The following CASK variants were observed in gnomAD, a reference collection of about 807,000 sequenced individuals.
CASK encodes calcium/calmodulin dependent serine protein kinase.
CASK carries 4 observed loss-of-function variants against 82.9 expected under a neutral mutation model. The ratio of observed to expected loss-of-function variants is 0.05; its 90% CI spans 0.02 to 0.11. The LOEUF is 0.11. Among genes scored for constraint, CASK ranks in the 10% least tolerant of loss-of-function variants. The pLI, the probability that CASK is intolerant of heterozygous loss-of-function variation, is 1.00. For missense variants in CASK, 358 were observed against 720.9 expected, an observed-to-expected ratio of 0.50 and a Z score of 5.76; for synonymous variants, 259 against 253.5, an observed-to-expected ratio of 1.02 and a Z score of -0.20.
At chrX:41,769,338 G>C (rs1415666206) in intron 3 of CASK, among the ~76,000 whole-genome samples, 1 of 108,268 alleles carries the variant, frequency 9.2e-6, no homozygotes, top group Non-Finnish European at 1.9e-5. Flanking sequence ...TGGGACTATA[G>C]GTGCATACCC....
intron 5 of CASK, among the ~76,000 whole-genome samples, chrX:41,699,127 G>A (rs912019509): frequency 9.1e-6 from 1 of 110,340 alleles, no homozygotes; most frequent in Non-Finnish European, 1.9e-5. Context: ...ATTTCACCAT[G>A]TTGGCCAGGC....
intron 1 of CASK, among the ~76,000 whole-genome samples, chrX:41,921,483 T>C (rs1380931228): frequency 8.9e-6 from 1 of 112,416 alleles, no homozygotes; most frequent in Non-Finnish European, 1.9e-5. Flanking sequence ...TTATTAAATG[T>C]GGCTACTAGA....
At position 41,690,434 on chromosome X, in the gene CASK, T is replaced by C. The variant is rs774298072; in HGVS notation, c.430-18904A>G. Among the ~76,000 whole-genome samples, 252 of 109,391 alleles carry C rather than the reference T, an allele frequency of 2.3e-3. 2 individuals carry two copies. Among genetic ancestry groups the C allele is most frequent in the African/African-American group, 8.0e-3 (240 of 30,007 alleles). 95.0% of individuals were successfully genotyped at this position (109,391 alleles called of 115,157 possible). ...TGAACACAGCTCACTGCAGCCTCTG[T>C]CTCCCGGGTTCAAGCAATTCTCCAG... On this transcript the variant is annotated intron_variant, in intron 5 of 26. Coordinates refer to ENST00000378163, the MANE Select transcript of CASK (RefSeq NM_001367721.1).
chrX:41,837,599 G>C (rs1283253383), intron 2 of CASK, among the ~76,000 whole-genome samples: 1 of 111,963 alleles, frequency 8.9e-6, no homozygotes, highest in Non-Finnish European at 1.9e-5. Context: ...TACAGTACAC[G>C]ACAATTAAGA....
intron 1 of CASK, among the ~76,000 whole-genome samples, chrX:41,906,823 T>A (rs771054796): frequency 1.8e-5 from 2 of 113,161 alleles, no homozygotes; most frequent in African/African-American, 6.4e-5. Flanking sequence ...ACACTGCTCT[T>A]TTTTTAAAGA....
At position 41,520,249 on chromosome X, in the gene CASK, T is replaced by C. The variant is rs2147058880; in HGVS notation, c.*171A>G. 1 of 409,670 alleles carries C rather than the reference T, an allele frequency of 2.4e-6. No homozygotes were observed. The highest frequency in any genetic ancestry group is 4.8e-5 in the South Asian group (1 of 20,752). 33.8% of individuals were successfully genotyped at this position (409,670 alleles called of 1,213,427 possible). ...GATACTGTCTCTTTAAATTAGTGTG[T>C]AATTGTTTTTCTCCTCCTATCTATT... is the stretch of plus-strand genomic sequence containing the variant. On this transcript the variant is annotated 3_prime_UTR_variant, in exon 27 of 27. Coordinates refer to ENST00000378163, the MANE Select transcript of CASK (RefSeq NM_001367721.1).
intron 2 of CASK, among the ~76,000 whole-genome samples, chrX:41,818,005 G>C (rs781261522): frequency 1.8e-5 from 2 of 110,600 alleles, no homozygotes; most frequent in African/African-American, 6.6e-5. Context: ...TGCTAGTACT[G>C]TGTTAACTGA....
intron 14 of CASK, chrX:41,584,276 G>C (rs958542258): frequency 4.4e-5 from 5 of 112,897 alleles, no homozygotes; most frequent in African/African-American, 1.6e-4. Context: ...AGATATATCA[G>C]CTACTTAATT....
chrX:41,827,013 CA>C (rs943037976), intron 2 of CASK, among the ~76,000 whole-genome samples: 15 of 111,088 alleles, frequency 1.4e-4, no homozygotes, highest in Non-Finnish European at 5.7e-5. Context: ...TTTATTAAGG[CA>C]AAAAATGTTT....
In CASK at chrX:41,796,865, C is replaced by A. The variant is rs186459268; in HGVS notation, c.173-9582G>T. ...TCAACAATTCTTGACTGGATCACAG[C>A]AAAGATCTTTAAATGGGTTTCTTTG... On this transcript the variant is annotated intron_variant, in intron 2 of 26. Transcript: ENST00000378163. Among the ~76,000 whole-genome samples the A allele has an allele frequency of 3.5e-4, 39 of 111,948 alleles. No individual in the cohort carries two copies. In the East Asian group the frequency reaches 0.01, roughly 29 times the overall value.
intron 1 of CASK, among the ~76,000 whole-genome samples, chrX:41,873,910 C>T (rs904262436): frequency 1.9e-5 from 2 of 107,907 alleles, no homozygotes; most frequent in Admixed American, 2.0e-4. Context: ...CCTGCCTCAG[C>T]CTCCTGAGTG....
chrX:41,705,282 C>A (rs2067866535), intron 5 of CASK, among the ~76,000 whole-genome samples: 1 of 112,471 alleles, frequency 8.9e-6, no homozygotes, highest in Non-Finnish European at 1.9e-5. Context: ...TTGGGCCAGG[C>A]ACAGTGGCTC....
At chrX:41,532,193 C>T (rs1439551170) in intron 24 of CASK, among the ~76,000 whole-genome samples, 1 of 112,289 alleles carries the variant, frequency 8.9e-6, no homozygotes, top group Non-Finnish European at 1.9e-5. Flanking sequence ...GCCTCAGTCT[C>T]CCAAAGTGCT....
intron 3 of CASK, among the ~76,000 whole-genome samples, chrX:41,754,887 T>G (rs754433248): frequency 9.5e-6 from 1 of 105,105 alleles, no homozygotes; most frequent in Non-Finnish European, 2.0e-5. Context: ...AGTTTTTTTT[T>G]TTTTTTTTTT....
At chrX:41,808,769 G>A (rs1454626213) in intron 2 of CASK, among the ~76,000 whole-genome samples, 2 of 112,492 alleles carry the variant, frequency 1.8e-5, no homozygotes, top group Non-Finnish European at 1.9e-5. Flanking sequence ...AAAGCAGGGC[G>A]AGACATCGCC....
intron 5 of CASK, among the ~76,000 whole-genome samples, chrX:41,702,079 A>T (rs749581663): frequency 9.5e-5 from 5 of 52,448 alleles, no homozygotes; most frequent in African/African-American, 1.7e-4. Flanking sequence ...TCAAAATTGT[A>T]TGATGTCAAA....
At chrX:41,683,690 T>G in intron 5 of CASK, among the ~76,000 whole-genome samples, 1 of 111,662 alleles carries the variant, frequency 9.0e-6, no homozygotes, top group Non-Finnish European at 1.9e-5. Flanking sequence ...TCAAAAGTTA[T>G]GCATGGATTT....
At chrX:41,540,286 T>C (rs767103998) in intron 22 of CASK, among the ~76,000 whole-genome samples, 3 of 112,070 alleles carry the variant, frequency 2.7e-5, no homozygotes, top group Non-Finnish European at 3.8e-5. Context: ...TGGTTTGGGA[T>C]AGGAGGTAAA....
Position 41,636,652 on chromosome X carries a change from G to A in CASK, c.841C>T (p.Arg281Cys), listed in dbSNP as rs771368987. ...GGAAGATGAATCTTGTAGGCGTAAC[G>A]ATCCCGCTCCTATGTAAGATGAAAG... ...LNHPWLKERD[R>C]YAYKIHLPET... is the part of the protein sequence containing the mutation. The change falls in exon 9 of 27, where the codon CGT becomes TGT. Residue 281 changes from arginine (R) to cysteine (C), a missense_variant. Around this residue, in one of 5 missense-constraint regions of CASK, gnomAD observed 70 missense variants for 228.4 expected, o/e 0.31. Coordinates refer to ENST00000378163, the MANE Select transcript of CASK (RefSeq NM_001367721.1). 1 of 1,169,540 alleles carries A rather than the reference G, an allele frequency of 8.6e-7. No individual in the cohort carries two copies. Among genetic ancestry groups the A allele is most frequent in the South Asian group, 1.8e-5 (1 of 55,944 alleles).
Sources: allele counts gnomAD v4.1 joint callset (sites outside exome capture counted in the v4.1 genomes callset), GRCh38; gene constraint gnomAD v4.1.1; regional missense constraint gnomAD v4.1.1; transcripts MANE v1.5; gene names NCBI Gene and HGNC (gene_info 2026-07-23, HGNC 2026-07-21).